The following JMJD1C variants were observed in gnomAD, a reference collection of about 807,000 sequenced individuals.
JMJD1C encodes the protein jumonji domain containing 1C.
A neutral mutation model predicts 245.3 loss-of-function variants in JMJD1C; 31 were observed. The ratio of observed to expected loss-of-function variants is 0.13; its 90% CI spans 0.09 to 0.17. The LOEUF is 0.17. Among genes scored for constraint, JMJD1C ranks in the 10% least tolerant of loss-of-function variants. The probability of loss-of-function intolerance (pLI) is 1.00; values close to 1 mark genes in which losing one functional copy is unlikely to be tolerated. For missense variants in JMJD1C, 2,691 were observed against 3,000.2 expected (o/e 0.90, Z 2.41); for synonymous variants, 1,057 against 1,017.4 (o/e 1.04, Z -0.74).
chr10:63,338,192 T>G (rs1410830277), intron 2 of JMJD1C, among the ~76,000 whole-genome samples: 1 of 152,236 alleles, frequency 6.6e-6, no homozygotes, highest in African/African-American at 2.4e-5. Context: ...TGGAGTGCAC[T>G]GGTGCAATCA....
chr10:63,333,207 C>A (rs980831242), intron 2 of JMJD1C, among the ~76,000 whole-genome samples: 1 of 152,060 alleles, frequency 6.6e-6, no homozygotes, highest in Admixed American at 6.6e-5. Flanking sequence ...TAAAACAAAT[C>A]ACATAATACA....
Position 63,337,624 on chromosome 10 carries a change from A to AAAAAGAAAAGAAAAG in JMJD1C, c.333+42693_333+42694insCTTTTCTTTTCTTTT, listed in dbSNP as rs1554892788. Among the ~76,000 whole-genome samples the AAAAAGAAAAGAAAAG allele has an allele frequency of 5.3e-3, 320 of 60,216 alleles. 27 individuals are homozygous for AAAAAGAAAAGAAAAG. Among genetic ancestry groups the AAAAAGAAAAGAAAAG allele is most frequent in the East Asian group, 0.038 (94 of 2,476 alleles). The allele number at this position is 60,216 out of a possible 152,430, so 39.5% of individuals were successfully genotyped here. A position where few individuals can be genotyped will look rare whatever the true frequency, so the allele number is the denominator to read the frequency against. On this transcript the variant is annotated intron_variant, in intron 2 of 25. Transcript: ENST00000399262. ...AAAAGAAAAGAAAAGAAAAGAAAAG[A>AAAAAGAAAAGAAAAG]AAAAGAAAAGAAAAAAAATCCGCTA...
intron 2 of JMJD1C, among the ~76,000 whole-genome samples, chr10:63,370,410 T>C (rs1336255096): frequency 6.6e-6 from 1 of 152,210 alleles, no homozygotes; most frequent in African/African-American, 2.4e-5. Flanking sequence ...TGCTTGATCT[T>C]CACTACTCTG....
chr10:63,446,588 A>G (rs1951732356), intron 1 of JMJD1C, among the ~76,000 whole-genome samples: 1 of 152,184 alleles, frequency 6.6e-6, no homozygotes, highest in South Asian at 2.1e-4. Context: ...TATGAGGAAA[A>G]CCTTCCAAGG....
At position 63,264,766 on chromosome 10, in the gene JMJD1C, T is replaced by C; in HGVS notation, c.334-2A>G. On this transcript the variant is annotated splice_acceptor_variant, in intron 2 of 25. Coordinates refer to ENST00000399262, the MANE Select transcript of JMJD1C (RefSeq NM_032776.3). LOFTEE classifies it high-confidence loss of function. ...TCTTTCAACCAGAGGTTTGAAAGTC[T>C]GCCAAGAAAAAAAAAATTTCTAATG... 6.8e-7 allele frequency: 1 copy of C among 1,480,814 alleles called. No individual in the cohort carries two copies. The highest frequency in any genetic ancestry group is 9.3e-7 in the Non-Finnish European group (1 of 1,080,182). 91.7% of individuals were successfully genotyped at this position (1,480,814 alleles called of 1,614,324 possible).
intron 2 of JMJD1C, among the ~76,000 whole-genome samples, chr10:63,275,643 A>T (rs558774423): frequency 1.4e-4 from 21 of 152,258 alleles, no homozygotes; most frequent in South Asian, 2.1e-4. Context: ...ACTAGAGATT[A>T]AAAAAAACTA....
At chr10:63,302,986 G>A (rs188597079) in intron 2 of JMJD1C, among the ~76,000 whole-genome samples, 1 of 152,102 alleles carries the variant, frequency 6.6e-6, no homozygotes, top group East Asian at 1.9e-4. Context: ...TGGGCTCAAG[G>A]GATCCTCCCA....
chr10:63,414,564 A>T (rs1473449690), intron 1 of JMJD1C, among the ~76,000 whole-genome samples: 1 of 152,088 alleles, frequency 6.6e-6, no homozygotes, highest in Non-Finnish European at 1.5e-5. Flanking sequence ...TCGAGATGCA[A>T]GAAAATCAGC....
intron 1 of JMJD1C, among the ~76,000 whole-genome samples, chr10:63,463,164 ATATT>A (rs1012157733): frequency 6.6e-6 from 1 of 151,830 alleles, no homozygotes; most frequent in East Asian, 1.9e-4. Context: ...TTCTTTTTAC[ATATT>A]TATTTATTTA....
chr10:63,241,244 T>G (rs1041137182), intron 3 of JMJD1C, among the ~76,000 whole-genome samples: 3 of 152,200 alleles, frequency 2.0e-5, no homozygotes, highest in African/African-American at 7.2e-5. Flanking sequence ...AAATATTAAG[T>G]TGAAAGCTCA....
chr10:63,310,441 GGT>G (rs1939020343), intron 2 of JMJD1C, among the ~76,000 whole-genome samples: 1 of 152,082 alleles, frequency 6.6e-6, no homozygotes, highest in African/African-American at 2.4e-5. Context: ...TTGGAACAGT[GGT>G]ACAGATTAAA....
intron 1 of JMJD1C, chr10:63,521,411 C>T: frequency 4.0e-6 from 1 of 250,400 alleles, no homozygotes; most frequent in Non-Finnish European, 6.6e-6. Context: ...ACACACCGGG[C>T]CCGGCTCCTG....
intron 2 of JMJD1C, among the ~76,000 whole-genome samples, chr10:63,351,419 C>A (rs1944351661): frequency 6.6e-6 from 1 of 152,248 alleles, no homozygotes; most frequent in Admixed American, 6.5e-5. Context: ...CAATCATAAT[C>A]TAACGTGAAT....
At chr10:63,399,037 A>G (rs1360572396) in intron 1 of JMJD1C, among the ~76,000 whole-genome samples, 6 of 152,218 alleles carry the variant, frequency 3.9e-5, no homozygotes. Context: ...CTTGATTTTT[A>G]TGAGTTTTGA....
intron 3 of JMJD1C, among the ~76,000 whole-genome samples, chr10:63,263,496 T>C (rs192706353): frequency 6.6e-6 from 1 of 152,332 alleles, no homozygotes; most frequent in East Asian, 1.9e-4. Context: ...TGAAATAAAA[T>C]AGTATTAACT....
At chr10:63,303,076 T>C (rs1319665842) in intron 2 of JMJD1C, among the ~76,000 whole-genome samples, 2 of 151,484 alleles carry the variant, frequency 1.3e-5, no homozygotes, top group African/African-American at 4.9e-5. Flanking sequence ...TCAAAGAAAG[T>C]AATAGGAAAA....
intron 1 of JMJD1C, among the ~76,000 whole-genome samples, chr10:63,516,141 A>T (rs1376279191): frequency 4.3e-5 from 1 of 23,246 alleles, no homozygotes; most frequent in Non-Finnish European, 3.9e-4. Context: ...TCGTTTACTG[A>T]ATAATTCCAT....
chr10:63,400,127 T>C (rs1032024390), intron 1 of JMJD1C, among the ~76,000 whole-genome samples: 1 of 152,188 alleles, frequency 6.6e-6, no homozygotes, highest in Non-Finnish European at 1.5e-5. Context: ...ACTTGGGGCA[T>C]GAACCATTTT....
chr10:63,260,327 A>G (rs941334846), intron 3 of JMJD1C, among the ~76,000 whole-genome samples: 1 of 152,198 alleles, frequency 6.6e-6, no homozygotes, highest in Admixed American at 6.5e-5. Context: ...TACAACTTTC[A>G]GGTAAGAAAT....
Sources: gnomAD v4.1 joint callset for allele counts (sites outside exome capture counted in the v4.1 genomes callset) on GRCh38, gnomAD v4.1.1 for gene constraint, MANE v1.5 for transcripts, NCBI Gene and HGNC (gene_info 2026-07-23, HGNC 2026-07-21) for gene names.